Variants in ERBB4 observed in about 807,000 individuals in gnomAD.
The protein encoded by ERBB4 is receptor tyrosine-protein kinase erbB-4.
In ERBB4, 42 loss-of-function variants were observed where a neutral mutation model predicts 158.0. That is an observed-to-expected ratio of 0.27 (90% CI 0.21 to 0.34). The LOEUF (loss-of-function observed/expected upper bound fraction) is 0.34, where lower values mean the gene tolerates loss of function less well. ERBB4 is among the 10% of genes least tolerant of loss of function. The probability of loss-of-function intolerance (pLI) is 1.00; values close to 1 mark genes in which losing one functional copy is unlikely to be tolerated. For synonymous variants in ERBB4, 583 were observed against 558.7 expected, an observed-to-expected ratio of 1.04 and a Z score of -0.61; for missense variants, 1,333 against 1,624.1, an observed-to-expected ratio of 0.82 and a Z score of 3.08.
chr2:211,465,516 G>A (rs2064658639), intron 20 of ERBB4, among the ~76,000 whole-genome samples: 1 of 152,064 alleles, frequency 6.6e-6, no homozygotes, highest in African/African-American at 2.4e-5. Context: ...AATAGGGGAA[G>A]GAGGAAGACC....
intron 1 of ERBB4, among the ~76,000 whole-genome samples, chr2:212,531,323 T>C (rs1692744792): frequency 6.6e-6 from 1 of 152,102 alleles, no homozygotes; most frequent in Admixed American, 6.6e-5. Flanking sequence ...GTCAAAAATA[T>C]TGCAGTCAAA....
At chr2:212,311,636 C>A (rs1437626183) in intron 1 of ERBB4, among the ~76,000 whole-genome samples, 1 of 150,946 alleles carries the variant, frequency 6.6e-6, no homozygotes, top group Admixed American at 6.6e-5. Context: ...GTAGACTGAT[C>A]ACATGCATCC....
chr2:211,590,924 T>A (rs2068442210), intron 19 of ERBB4, among the ~76,000 whole-genome samples: 1 of 152,204 alleles, frequency 6.6e-6, no homozygotes, highest in South Asian at 2.1e-4. Flanking sequence ...AAAAACTTTT[T>A]GAAACTTTCT....
At chr2:211,551,931 C>T (rs373056767) in intron 20 of ERBB4, among the ~76,000 whole-genome samples, 9 of 152,104 alleles carry the variant, frequency 5.9e-5, no homozygotes, top group African/African-American at 2.2e-4. Context: ...GTAACATATT[C>T]AAGCCTTAAG....
chr2:211,448,467 T>TACACACACACAC (rs3067955), intron 20 of ERBB4, among the ~76,000 whole-genome samples: 5 of 149,652 alleles, frequency 3.3e-5, no homozygotes, highest in East Asian at 4.0e-4. Flanking sequence ...CCCAAACAGA[T>TACACACACACAC]ACACACACAC....
Position 211,542,008 on chromosome 2 carries a change from T to G in ERBB4, c.2487+19895A>C, listed in dbSNP as rs962743753. ...AATTAATGGAGGTAGGGTCCACATT[T>G]TTTTTATTGTTATTGATCTCATTAC... On this transcript the variant is annotated intron_variant, in intron 20 of 27. Transcript: ENST00000342788. Among the ~76,000 whole-genome samples the G allele has an allele frequency of 9.2e-5, 14 of 152,030 alleles. 1 individual carries two copies. The highest frequency in any genetic ancestry group is 2.1e-4 in the South Asian group (1 of 4,828).
intron 3 of ERBB4, among the ~76,000 whole-genome samples, chr2:211,841,295 C>A (rs1427095494): frequency 6.6e-6 from 1 of 151,966 alleles, no homozygotes; most frequent in Non-Finnish European, 1.5e-5. Flanking sequence ...GACTATTGGG[C>A]TATTTTGATA....
intron 4 of ERBB4, among the ~76,000 whole-genome samples, chr2:211,756,343 T>A (rs1220217451): frequency 1.3e-5 from 2 of 152,156 alleles, no homozygotes; most frequent in African/African-American, 4.8e-5. Flanking sequence ...AATTTCAGGC[T>A]GAATAGCTAG....
chr2:212,098,382 A>G (rs1446717523), intron 2 of ERBB4, among the ~76,000 whole-genome samples: 5 of 152,204 alleles, frequency 3.3e-5, no homozygotes, highest in African/African-American at 9.6e-5. Flanking sequence ...GCCAGATTTG[A>G]GAAAAATCCT....
chr2:211,612,779 A>G (rs1252392638), intron 19 of ERBB4, among the ~76,000 whole-genome samples: 2 of 152,110 alleles, frequency 1.3e-5, no homozygotes, highest in African/African-American at 4.8e-5. Flanking sequence ...ACTTAAGCTG[A>G]AGAAGTTGAG....
At chr2:212,325,439 AAG>A (rs1173360826) in intron 1 of ERBB4, among the ~76,000 whole-genome samples, 1 of 150,806 alleles carries the variant, frequency 6.6e-6, no homozygotes, top group African/African-American at 2.4e-5. Flanking sequence ...TATAATAAGA[AAG>A]AGAGATTAAA....
intron 1 of ERBB4, among the ~76,000 whole-genome samples, chr2:212,480,992 T>C (rs956565679): frequency 1.3e-5 from 2 of 152,190 alleles, no homozygotes; most frequent in African/African-American, 4.8e-5. Flanking sequence ...CAAAATTTAG[T>C]ATGCTGATGT....
At chr2:212,478,658 G>T (rs1368206676) in intron 1 of ERBB4, among the ~76,000 whole-genome samples, 1 of 151,980 alleles carries the variant, frequency 6.6e-6, no homozygotes, top group Non-Finnish European at 1.5e-5. Context: ...ATAAATATCA[G>T]TTCCAATGGG....
At chr2:211,941,293 G>A (rs151078381) in intron 3 of ERBB4, among the ~76,000 whole-genome samples, 5,091 of 149,512 alleles carry the variant, frequency 0.034, 121 homozygotes, top group Middle Eastern at 0.089. Flanking sequence ...ATCACAATAT[G>A]CTGAATAGAT....
intron 7 of ERBB4, 107 bp downstream of exon 7, chr2:211,722,286 T>C: frequency 1.1e-6 from 1 of 913,706 alleles, no homozygotes; most frequent in Non-Finnish European, 1.8e-6. Flanking sequence ...ATACCCAAAG[T>C]ACTTATAATA....
chr2:211,935,897 T>C (rs2080309511), intron 3 of ERBB4, among the ~76,000 whole-genome samples: 1 of 152,098 alleles, frequency 6.6e-6, no homozygotes, highest in Admixed American at 6.6e-5. Flanking sequence ...ATTATGGTTG[T>C]TATTATTGTT....
At chr2:211,621,192 T>C (rs1337197302) in intron 18 of ERBB4, among the ~76,000 whole-genome samples, 1 of 152,014 alleles carries the variant, frequency 6.6e-6, no homozygotes, top group East Asian at 1.9e-4. Context: ...TTAAAATAAA[T>C]ATTTATTAAA....
intron 2 of ERBB4, among the ~76,000 whole-genome samples, chr2:211,975,227 C>T (rs114242675): frequency 7.3e-4 from 111 of 152,300 alleles, no homozygotes; most frequent in African/African-American, 2.6e-3. Context: ...AGGGAGCTAT[C>T]CGCCTCCACC....
intron 1 of ERBB4, among the ~76,000 whole-genome samples, chr2:212,438,897 C>T (rs1226849560): frequency 6.6e-6 from 1 of 151,878 alleles, no homozygotes; most frequent in Non-Finnish European, 1.5e-5. Flanking sequence ...AATAAAGAAG[C>T]AAAACAGGGA....
Sources: allele counts gnomAD v4.1 joint callset (sites outside exome capture counted in the v4.1 genomes callset), GRCh38; gene constraint gnomAD v4.1.1; transcripts MANE v1.5; gene names NCBI Gene and HGNC (gene_info 2026-07-23, HGNC 2026-07-21).